Variants in UNC79 observed in about 807,000 individuals in gnomAD.
The protein encoded by UNC79 is protein unc-79 homolog.
UNC79 carries 37 observed loss-of-function variants against 283.1 expected under a neutral mutation model. The observed-to-expected ratio is 0.13, with a 90% confidence interval of 0.10 to 0.17. The LOEUF is 0.17. Ranked by LOEUF, UNC79 falls within the 10% of genes least tolerant of loss-of-function variation. The pLI is 1.00. For missense variants in UNC79, 2,272 were observed against 3,211.1 expected, an observed-to-expected ratio of 0.71 and a Z score of 7.07; for synonymous variants, 1,107 against 1,200.2, an observed-to-expected ratio of 0.92 and a Z score of 1.61.
chr14:93,545,864 T>A (rs2061575577), intron 14 of UNC79, among the ~76,000 whole-genome samples: 1 of 152,044 alleles, frequency 6.6e-6, no homozygotes, highest in East Asian at 1.9e-4. Flanking sequence ...CATCAAAGGC[T>A]TGTAGGTTAG....
intron 1 of UNC79, among the ~76,000 whole-genome samples, chr14:93,422,725 A>G (rs2055626800): frequency 6.6e-6 from 1 of 152,162 alleles, no homozygotes; most frequent in South Asian, 2.1e-4. Flanking sequence ...TCAACATACA[A>G]AAATCAGTAG....
intron 14 of UNC79, among the ~76,000 whole-genome samples, chr14:93,551,062 T>A (rs1442848052): frequency 1.3e-5 from 2 of 152,084 alleles, no homozygotes; most frequent in African/African-American, 2.4e-5. Flanking sequence ...TTTATTTTTT[T>A]AAATCGAGAC....
intron 20 of UNC79, among the ~76,000 whole-genome samples, chr14:93,582,874 G>A (rs2063917698): frequency 6.6e-6 from 1 of 152,106 alleles, no homozygotes; most frequent in South Asian, 2.1e-4. Context: ...CTCACATGAG[G>A]ACGTTTAGGG....
chr14:93,354,652 C>T (rs752338352), intron 1 of UNC79, among the ~76,000 whole-genome samples: 2 of 152,148 alleles, frequency 1.3e-5, no homozygotes, highest in Non-Finnish European at 2.9e-5. Flanking sequence ...CATGCGCCAC[C>T]ATGCCCAACA....
chr14:93,644,099 C>T (rs2069336724), intron 34 of UNC79, among the ~76,000 whole-genome samples: 1 of 152,194 alleles, frequency 6.6e-6, no homozygotes, highest in Admixed American at 6.5e-5. Context: ...ATCTCAAGGA[C>T]ACCTCATTTA....
intron 1 of UNC79, among the ~76,000 whole-genome samples, chr14:93,373,300 C>A (rs1006939737): frequency 5.9e-5 from 9 of 151,562 alleles, no homozygotes; most frequent in Non-Finnish European, 1.2e-4. Context: ...ATGATTAGAG[C>A]AGAAGTCAAT....
intron 17 of UNC79, among the ~76,000 whole-genome samples, chr14:93,576,811 C>G (rs2063502059): frequency 6.6e-6 from 1 of 152,144 alleles, no homozygotes; most frequent in Non-Finnish European, 1.5e-5. Flanking sequence ...ACTCCTGCCT[C>G]TCTCTCCTCC....
chr14:93,484,653 C>A (rs996005308), intron 4 of UNC79, among the ~76,000 whole-genome samples: 6 of 152,200 alleles, frequency 3.9e-5, no homozygotes, highest in African/African-American at 1.4e-4. Flanking sequence ...TAATTATCTT[C>A]TCCCTTCTAT....
At chr14:93,701,736 G>A (rs1454754760) in intron 47 of UNC79, among the ~76,000 whole-genome samples, 2 of 152,198 alleles carry the variant, frequency 1.3e-5, no homozygotes, top group Middle Eastern at 3.2e-3. Context: ...CAATAATGAT[G>A]AGCTTTAACT....
In UNC79 at chr14:93,387,174, C is replaced by T. The variant is rs552952587; in HGVS notation, c.-351+53651C>T. On this transcript the variant is annotated intron_variant, in intron 1 of 49. Coordinates refer to the UNC79 transcript ENST00000256339. ...GTCAGGCTGGTCGCAAACTCCTGAC[C>T]TCAGGTGATCCACCCGCCTCGGCCT... Among the ~76,000 whole-genome samples, 8 of 152,076 alleles carry T rather than the reference C, an allele frequency of 5.3e-5. No individual in the cohort carries two copies. In the South Asian group the frequency reaches 1.7e-3, roughly 32 times the overall value.
chr14:93,433,148 A>C (rs1374218935), intron 1 of UNC79, among the ~76,000 whole-genome samples: 1 of 152,168 alleles, frequency 6.6e-6, no homozygotes, highest in Non-Finnish European at 1.5e-5. Context: ...CAATTAACTT[A>C]ATAGTTTTGT....
At chr14:93,609,956 G>T (rs1220333341) in intron 26 of UNC79, among the ~76,000 whole-genome samples, 1 of 152,096 alleles carries the variant, frequency 6.6e-6, no homozygotes, top group Admixed American at 6.5e-5. Flanking sequence ...CCTTTTTTCA[G>T]TACATTTGTT....
At position 93,590,288 on chromosome 14, in the gene UNC79, A is replaced by G. The variant is rs373153698; in HGVS notation, c.3032+3380A>G. Among the ~76,000 whole-genome samples the G allele has an allele frequency of 7.2e-5, 11 of 152,150 alleles. No homozygotes were observed. In the East Asian group the frequency reaches 2.1e-3, roughly 29 times the overall value. On this transcript the variant is annotated intron_variant, in intron 22 of 48. Transcript: ENST00000555664. ...AAGCATACCATGAGAAAGGTGGAGGATCTATAGAAGTTTCTTCCCAAGAAA... is the reference window on the plus strand; with the variant it reads ...AAGCATACCATGAGAAAGGTGGAGGGTCTATAGAAGTTTCTTCCCAAGAAA...
At chr14:93,470,214 G>A (rs2057430570) in intron 2 of UNC79, among the ~76,000 whole-genome samples, 1 of 152,124 alleles carries the variant, frequency 6.6e-6, no homozygotes, top group African/African-American at 2.4e-5. Context: ...AATTTCAGCA[G>A]CTTCACTTGA....
intron 2 of UNC79, 98 bp from the exon 3 acceptor site, chr14:93,473,991 A>G (rs2057663140): frequency 4.4e-6 from 6 of 1,368,508 alleles, no homozygotes; most frequent in Non-Finnish European, 9.7e-7. Context: ...TGTGGAATGT[A>G]TCTGGTGTTT....
At chr14:93,362,452 G>A (rs1406371596) in intron 1 of UNC79, among the ~76,000 whole-genome samples, 3 of 152,026 alleles carry the variant, frequency 2.0e-5, no homozygotes, top group African/African-American at 7.3e-5. Context: ...GGGTTCCAGC[G>A]ATTTTCCTGC....
In UNC79 at chr14:93,376,866, TA is replaced by T. The variant is rs1322401736; in HGVS notation, c.-351+43348del. On this transcript the variant is annotated intron_variant, in intron 1 of 49. Coordinates refer to the UNC79 transcript ENST00000256339. ...GCTTTTTGCTTAATTTAATTATATA[TA>T]AAAATATATAAAATATATAAAATAT... Among the ~76,000 whole-genome samples, 24 of 147,962 alleles carry T rather than the reference TA, an allele frequency of 1.6e-4. No homozygotes were observed. The East Asian group carries it at 4.1e-3, about 25-fold the overall frequency.
intron 12 of UNC79, among the ~76,000 whole-genome samples, chr14:93,539,288 CG>C (rs1264208322): frequency 6.7e-6 from 1 of 148,750 alleles, no homozygotes; most frequent in Non-Finnish European, 1.5e-5. Context: ...TTTGAGAGAC[CG>C]AGGCGGGTGG....
At chr14:93,523,536 T>C (rs2060419586) in intron 7 of UNC79, among the ~76,000 whole-genome samples, 1 of 152,190 alleles carries the variant, frequency 6.6e-6, no homozygotes, top group South Asian at 2.1e-4. Context: ...AAGAGCAGAA[T>C]GTCAAGCACC....
Sources: gnomAD v4.1 joint callset for allele counts (sites outside exome capture counted in the v4.1 genomes callset) on GRCh38, gnomAD v4.1.1 for gene constraint, MANE v1.5 for transcripts, NCBI Gene and HGNC (gene_info 2026-07-23, HGNC 2026-07-21) for gene names.